MYO1D: variants seen among roughly 807,000 people sequenced by gnomAD.
The protein encoded by MYO1D is myosin ID.
MYO1D carries 83 observed loss-of-function variants against 122.0 expected under a neutral mutation model. The ratio of observed to expected loss-of-function variants is 0.68; its 90% CI spans 0.57 to 0.82. The LOEUF (loss-of-function observed/expected upper bound fraction) is 0.82, where lower values mean the gene tolerates loss of function less well. Among genes scored for constraint, MYO1D ranks in the 40% least tolerant of loss-of-function variants. The pLI is 0.00. For synonymous variants in MYO1D, 464 were observed against 446.9 expected (o/e 1.04, Z -0.48); for missense variants, 1,157 against 1,269.5 (o/e 0.91, Z 1.35).
intron 21 of MYO1D, 97 bp from the exon 22 acceptor site, chr17:32,495,012 C>T: frequency 1.4e-6 from 2 of 1,386,286 alleles, no homozygotes. Context: ...TCCGGCGCAG[C>T]CTGCTTCCTC....
rs537131376 is a variant in MYO1D, at chr17:32,780,702, T to C, written c.178A>G (p.Arg60Gly). 1.2e-6 allele frequency: 2 copies of C among 1,614,162 alleles called. No individual in the cohort carries two copies. The highest frequency in any genetic ancestry group is 2.2e-5 in the East Asian group (1 of 44,886). Residue 60 changes from arginine to glycine, a missense_variant, in exon 2 of 22, where the codon AGA becomes GGA. By Grantham distance (125) the Arg-to-Gly change is moderately radical. Transcript: ENST00000318217. Reference sequence around the variant, plus strand: ...CCTTTATACTGCTCAATTGTGTCTCTTCCATAGATGTTCAACAACTTGTAA... The same window carrying C: ...CCTTTATACTGCTCAATTGTGTCTCCTCCATAGATGTTCAACAACTTGTAA... ...NPYKLLNIYG[R>G]DTIEQYKGRE...
At chr17:32,596,533 T>C (rs2087494668) in intron 21 of MYO1D, among the ~76,000 whole-genome samples, 1 of 152,222 alleles carries the variant, frequency 6.6e-6, no homozygotes, top group African/African-American at 2.4e-5. Context: ...GGTATGGGTC[T>C]CCCCATGGCT....
At chr17:32,687,122 C>T (rs936722018) in intron 16 of MYO1D, among the ~76,000 whole-genome samples, 1 of 151,526 alleles carries the variant, frequency 6.6e-6, no homozygotes, top group African/African-American at 2.4e-5. Context: ...ATTTTATTTC[C>T]CCCTTACCCC....
At chr17:32,801,979 A>T (rs1394903763) in intron 1 of MYO1D, among the ~76,000 whole-genome samples, 1 of 152,220 alleles carries the variant, frequency 6.6e-6, no homozygotes, top group Non-Finnish European at 1.5e-5. Flanking sequence ...GGGATAGTTT[A>T]TTGTGGAAAA....
At chr17:32,515,214 G>GAT (rs957382429) in intron 21 of MYO1D, among the ~76,000 whole-genome samples, 5 of 152,292 alleles carry the variant, frequency 3.3e-5, no homozygotes, top group African/African-American at 1.2e-4. Flanking sequence ...CCTGACCACG[G>GAT]ATATTCCCCT....
At chr17:32,802,226 C>T (rs921734594) in intron 1 of MYO1D, among the ~76,000 whole-genome samples, 2 of 152,198 alleles carry the variant, frequency 1.3e-5, no homozygotes, top group Non-Finnish European at 2.9e-5. Flanking sequence ...GCCTACACAT[C>T]ACCACATATG....
At chr17:32,828,982 A>G (rs779244992) in intron 1 of MYO1D, among the ~76,000 whole-genome samples, 4 of 152,210 alleles carry the variant, frequency 2.6e-5, no homozygotes, top group Non-Finnish European at 5.9e-5. Flanking sequence ...TCTGACTCCA[A>G]TGCTCAGGAC....
chr17:32,493,697 C>A lies in MYO1D; in HGVS notation c.*1062G>T, dbSNP rs1908973554. 6.6e-6 allele frequency: 1 copy of A among 152,370 alleles called. No homozygotes were observed. Among genetic ancestry groups the A allele is most frequent in the Non-Finnish European group, 1.5e-5 (1 of 68,136 alleles). 9.4% of individuals were successfully genotyped at this position (152,370 alleles called of 1,614,324 possible). A position where few individuals can be genotyped will look rare whatever the true frequency, so the allele number is the denominator to read the frequency against. On this transcript the variant is annotated 3_prime_UTR_variant, in exon 22 of 22. Transcript: ENST00000318217. ...GGCAAGCTGGCAGTGCTCCCTGGCA[C>A]CAGTTTCACGGGCGCAGGCCCCAAG...
chr17:32,518,185 C>A, intron 21 of MYO1D: 1 of 193,574 alleles, frequency 5.2e-6, no homozygotes, highest in Non-Finnish European at 1.1e-5. Flanking sequence ...TTCTTGTCCC[C>A]TTCTCATTTC....
At chr17:32,644,359 G>A (rs1381962395) in intron 19 of MYO1D, among the ~76,000 whole-genome samples, 1 of 151,948 alleles carries the variant, frequency 6.6e-6, no homozygotes, top group African/African-American at 2.4e-5. Context: ...TGGAATAAGT[G>A]CGGCGTGGTG....
chr17:32,601,485 C>T (rs192931476), intron 21 of MYO1D, among the ~76,000 whole-genome samples: 68 of 152,236 alleles, frequency 4.5e-4, no homozygotes, highest in Admixed American at 7.2e-4. Flanking sequence ...GAAATGATTA[C>T]AGTAATAACA....
At chr17:32,674,588 C>A (rs966454540) in intron 16 of MYO1D, among the ~76,000 whole-genome samples, 26 of 152,100 alleles carry the variant, frequency 1.7e-4, no homozygotes, top group African/African-American at 6.0e-4. Flanking sequence ...ATGTTTCTTA[C>A]TAATAATTCA....
intron 21 of MYO1D, among the ~76,000 whole-genome samples, chr17:32,507,151 C>G (rs1429845484): frequency 6.6e-6 from 1 of 152,034 alleles, no homozygotes; most frequent in Non-Finnish European, 1.5e-5. Context: ...ATAATCCCAG[C>G]AATTTGGGAG....
chr17:32,751,826 AAT>A (rs2089902291), intron 11 of MYO1D, among the ~76,000 whole-genome samples: 1 of 152,212 alleles, frequency 6.6e-6, no homozygotes, highest in South Asian at 2.1e-4. Flanking sequence ...TGGAAGAATT[AAT>A]GTCATTAAAA....
chr17:32,596,242 A>G (rs58160147), intron 21 of MYO1D, among the ~76,000 whole-genome samples: 61 of 152,354 alleles, frequency 4.0e-4, no homozygotes, highest in African/African-American at 1.4e-3. Context: ...TATTAAAATG[A>G]GTGGCCAGGC....
chr17:32,822,121 AC>A (rs1345198296), intron 1 of MYO1D, among the ~76,000 whole-genome samples: 1 of 131,380 alleles, frequency 7.6e-6, no homozygotes. Flanking sequence ...CTTGGAACCA[AC>A]CCAAATGTCC....
At chr17:32,595,852 G>C (rs1356889076) in intron 21 of MYO1D, among the ~76,000 whole-genome samples, 1 of 152,122 alleles carries the variant, frequency 6.6e-6, no homozygotes, top group African/African-American at 2.4e-5. Context: ...AAAGATTAGG[G>C]GGGTTTGGGG....
intron 13 of MYO1D, among the ~76,000 whole-genome samples, chr17:32,742,252 C>T (rs549661472): frequency 2.0e-5 from 3 of 152,230 alleles, no homozygotes; most frequent in South Asian, 4.1e-4. Context: ...GGGACTTGAA[C>T]ATGTATGGAT....
chr17:32,737,190 GAAGA>G (rs2089713643), intron 14 of MYO1D, among the ~76,000 whole-genome samples: 1 of 152,096 alleles, frequency 6.6e-6, no homozygotes, highest in Non-Finnish European at 1.5e-5. Flanking sequence ...AGATAAAAAT[GAAGA>G]AACTAAAAAT....
Sources: gnomAD v4.1 joint callset for allele counts (sites outside exome capture counted in the v4.1 genomes callset) on GRCh38, gnomAD v4.1.1 for gene constraint, MANE v1.5 for transcripts, NCBI Gene and HGNC (gene_info 2026-07-23, HGNC 2026-07-21) for gene names.